The following ZNF804A variants were observed in gnomAD, a reference collection of about 807,000 sequenced individuals.
ZNF804A encodes zinc finger protein 804A.
In ZNF804A, 2 loss-of-function variants were observed where a neutral mutation model predicts 16.5. The observed-to-expected ratio is 0.12, with a 90% confidence interval of 0.05 to 0.38. The LOEUF is 0.38. ZNF804A is among the 10% of genes least tolerant of loss of function. The pLI, the probability that ZNF804A is intolerant of heterozygous loss-of-function variation, is 0.99. For synonymous variants in ZNF804A, 534 were observed against 489.6 expected (o/e 1.09, Z -1.20); for missense variants, 1,473 against 1,390.7 (o/e 1.06, Z -0.94).
intron 1 of ZNF804A, among the ~76,000 whole-genome samples, chr2:184,815,817 A>T (rs2105788705): frequency 6.6e-6 from 1 of 152,052 alleles, no homozygotes; most frequent in African/African-American, 2.4e-5. Flanking sequence ...TATCACATTG[A>T]CTCTATCAAG....
chr2:184,624,364 T>A (rs1691466254), intron 1 of ZNF804A, among the ~76,000 whole-genome samples: 1 of 152,144 alleles, frequency 6.6e-6, no homozygotes, highest in South Asian at 2.1e-4. Flanking sequence ...GAGACTTCTG[T>A]GAAAGTCTTT....
At chr2:184,806,274 C>T (rs937517955) in intron 1 of ZNF804A, among the ~76,000 whole-genome samples, 3 of 151,834 alleles carry the variant, frequency 2.0e-5, no homozygotes, top group Admixed American at 6.6e-5. Flanking sequence ...CTTATACATT[C>T]GTAGTCTTTT....
chr2:184,907,919 C>T (rs1051324263), intron 2 of ZNF804A, among the ~76,000 whole-genome samples: 3 of 151,934 alleles, frequency 2.0e-5, no homozygotes, highest in African/African-American at 7.2e-5. Context: ...TTTATAAAAT[C>T]ATACAGATAT....
At chr2:184,870,566 T>C (rs1419158986) in intron 2 of ZNF804A, among the ~76,000 whole-genome samples, 1 of 152,108 alleles carries the variant, frequency 6.6e-6, no homozygotes, top group East Asian at 1.9e-4. Flanking sequence ...TTATAATTAG[T>C]GCTATTGTTA....
intron 1 of ZNF804A, among the ~76,000 whole-genome samples, chr2:184,708,499 C>G (rs1030338859): frequency 6.6e-6 from 1 of 152,024 alleles, no homozygotes. Flanking sequence ...AGCTGCACAC[C>G]TACAGCCTTC....
intron 2 of ZNF804A, among the ~76,000 whole-genome samples, chr2:184,897,197 C>T (rs533019466): frequency 6.6e-6 from 1 of 152,114 alleles, no homozygotes; most frequent in African/African-American, 2.4e-5. Flanking sequence ...GGAAGAAAAA[C>T]CACAGAGGAA....
At chr2:184,861,997 C>A (rs1227783804) in intron 1 of ZNF804A, among the ~76,000 whole-genome samples, 1 of 152,142 alleles carries the variant, frequency 6.6e-6, no homozygotes, top group Non-Finnish European at 1.5e-5. Flanking sequence ...TTAGAATGAC[C>A]TGACTCGTTG....
chr2:184,734,211 G>A (rs1013047775), intron 1 of ZNF804A, among the ~76,000 whole-genome samples: 4 of 151,998 alleles, frequency 2.6e-5, no homozygotes, highest in Non-Finnish European at 5.9e-5. Context: ...AGGACTACAG[G>A]CATATTCCAG....
chr2:184,615,971 C>A (rs1691312897), intron 1 of ZNF804A, among the ~76,000 whole-genome samples: 1 of 152,128 alleles, frequency 6.6e-6, no homozygotes, highest in South Asian at 2.1e-4. Flanking sequence ...GAACTTGGCC[C>A]AAGCATTGAC....
At chr2:184,719,213 C>A (rs573044276) in intron 1 of ZNF804A, among the ~76,000 whole-genome samples, 3 of 152,218 alleles carry the variant, frequency 2.0e-5, no homozygotes, top group African/African-American at 7.2e-5. Context: ...ACGGCTGGGG[C>A]AGCTGGGATG....
At chr2:184,772,394 T>C (rs1259744168) in intron 1 of ZNF804A, among the ~76,000 whole-genome samples, 1 of 152,044 alleles carries the variant, frequency 6.6e-6, no homozygotes, top group Non-Finnish European at 1.5e-5. Context: ...TTGTGAAACG[T>C]CTTTCGTGAC....
At chr2:184,639,084 T>G (rs1021729969) in intron 1 of ZNF804A, among the ~76,000 whole-genome samples, 3 of 148,578 alleles carry the variant, frequency 2.0e-5, no homozygotes, top group African/African-American at 7.5e-5. Flanking sequence ...TTTTTTTTTT[T>G]TTTTTTTGAG....
At chr2:184,859,375 T>G (rs554761192) in intron 1 of ZNF804A, among the ~76,000 whole-genome samples, 1 of 152,218 alleles carries the variant, frequency 6.6e-6, no homozygotes, top group East Asian at 1.9e-4. Context: ...TGGTAAATTC[T>G]GCTGTTGATG....
chr2:184,745,080 T>TAA (rs1440107091), intron 1 of ZNF804A, among the ~76,000 whole-genome samples: 1 of 151,830 alleles, frequency 6.6e-6, no homozygotes, highest in Non-Finnish European at 1.5e-5. Context: ...TTATTATACT[T>TAA]TATATTACTT....
chr2:184,815,737 A>T (rs1694973329), intron 1 of ZNF804A, among the ~76,000 whole-genome samples: 1 of 152,014 alleles, frequency 6.6e-6, no homozygotes, highest in Non-Finnish European at 1.5e-5. Flanking sequence ...ATATAAAATG[A>T]ATATACTAAC....
intron 2 of ZNF804A, among the ~76,000 whole-genome samples, chr2:184,908,859 A>T (rs1685317938): frequency 1.3e-5 from 2 of 152,138 alleles, no homozygotes; most frequent in South Asian, 4.1e-4. Flanking sequence ...AGTTATTCTT[A>T]AGCAAATATC....
At chr2:184,862,171 G>A (rs1468811024) in intron 1 of ZNF804A, among the ~76,000 whole-genome samples, 1 of 152,072 alleles carries the variant, frequency 6.6e-6, no homozygotes, top group Non-Finnish European at 1.5e-5. Context: ...TCACTCAAAT[G>A]TATCTCTTAC....
At chr2:184,697,383 G>T (rs1213259667) in intron 1 of ZNF804A, among the ~76,000 whole-genome samples, 1 of 152,060 alleles carries the variant, frequency 6.6e-6, no homozygotes, top group African/African-American at 2.4e-5. Flanking sequence ...ACACTTAACA[G>T]AATCCAAATG....
chr2:184,660,217 A>G (rs1005108953), intron 1 of ZNF804A, among the ~76,000 whole-genome samples: 2 of 152,238 alleles, frequency 1.3e-5, no homozygotes, highest in Non-Finnish European at 2.9e-5. Flanking sequence ...TGAAATTTGT[A>G]TGAAAGCACA....
Sources: allele counts gnomAD v4.1 joint callset (sites outside exome capture counted in the v4.1 genomes callset), GRCh38; gene constraint gnomAD v4.1.1; transcripts MANE v1.5; gene names NCBI Gene and HGNC (gene_info 2026-07-23, HGNC 2026-07-21).